The following ASCC1 variants were observed in gnomAD, a reference collection of about 807,000 sequenced individuals.
ASCC1 encodes activating signal cointegrator 1 complex subunit 1, also known as ASC-1 complex subunit P50.
In ASCC1, 35 loss-of-function variants were observed where a neutral mutation model predicts 46.6. That is an observed-to-expected ratio of 0.75 (90% CI 0.57 to 0.99). The LOEUF (loss-of-function observed/expected upper bound fraction) is 0.99. Ranked by LOEUF, ASCC1 falls within the 50% of genes least tolerant of loss-of-function variation. The probability of loss-of-function intolerance (pLI) is 0.00; values close to 1 mark genes in which losing one functional copy is unlikely to be tolerated. For missense variants in ASCC1, 376 were observed against 428.7 expected, an observed-to-expected ratio of 0.88 and a Z score of 1.09; for synonymous variants, 143 against 146.6, an observed-to-expected ratio of 0.98 and a Z score of 0.18.
Position 72,096,442 on chromosome 10 carries a change from G to C in ASCC1, c.*892C>G. 2.2e-6 allele frequency: 1 copy of C among 454,198 alleles called. No homozygotes were observed. The highest frequency in any genetic ancestry group is 4.4e-6 in the Non-Finnish European group (1 of 226,796). The allele number at this position is 454,198 out of a possible 1,614,324, so 28.1% of individuals were successfully genotyped here. A position where few individuals can be genotyped will look rare whatever the true frequency, so the allele number is the denominator to read the frequency against. On this transcript the variant is annotated 3_prime_UTR_variant, in exon 10 of 10. Coordinates refer to ENST00000672957, the MANE Select transcript of ASCC1 (RefSeq NM_001198800.3). The stretch of plus-strand genomic sequence containing the variant: ...ATCAGGGGCATGGGAAGATGAGGGT[G>C]GGGATGGGGTGAAGGAACAGGAATC...
At chr10:72,191,264 A>G (rs1427762260) in intron 5 of ASCC1, among the ~76,000 whole-genome samples, 2 of 147,624 alleles carry the variant, frequency 1.4e-5, no homozygotes, top group East Asian at 4.1e-4. Context: ...ACGAGGTTTC[A>G]CCATGTTGGT....
At chr10:72,099,112 T>C (rs548970570) in intron 9 of ASCC1, among the ~76,000 whole-genome samples, 6 of 152,268 alleles carry the variant, frequency 3.9e-5, no homozygotes, top group Non-Finnish European at 5.9e-5. Context: ...TTTTTAAGGA[T>C]TGGCAGCCTG....
chr10:72,197,062 G>C, intron 4 of ASCC1, 73 bp from the exon 5 acceptor site: 1 of 1,470,350 alleles, frequency 6.8e-7, no homozygotes, highest in Non-Finnish European at 9.5e-7. Context: ...TCTTGATACT[G>C]TCACCTCTGA....
At chr10:72,178,164 G>A (rs923698293) in intron 5 of ASCC1, among the ~76,000 whole-genome samples, 1 of 152,286 alleles carries the variant, frequency 6.6e-6, no homozygotes, top group African/African-American at 2.4e-5. Flanking sequence ...AATGAGACCT[G>A]AGCATAGAAA....
chr10:72,169,837 AG>A (rs1017115541), intron 5 of ASCC1, among the ~76,000 whole-genome samples: 3 of 152,102 alleles, frequency 2.0e-5, no homozygotes, highest in African/African-American at 7.2e-5. Flanking sequence ...AACAAACACA[AG>A]GCCGGGCGTG....
At chr10:72,216,480 G>C (rs1403673640), upstream of ASCC1, among the ~76,000 whole-genome samples, 545 of 17,620 alleles carry the variant, frequency 0.031, no homozygotes, top group Admixed American at 0.04. Flanking sequence ...CCCCGTTCCC[G>C]CCCCCCCCCC....
intron 3 of ASCC1, among the ~76,000 whole-genome samples, chr10:72,209,057 T>C (rs1390001130): frequency 6.6e-6 from 1 of 150,762 alleles, no homozygotes; most frequent in Non-Finnish European, 1.5e-5. Context: ...CCCAGCTATT[T>C]GGGGGGTTTA....
chr10:72,179,293 G>T (rs530873372), intron 5 of ASCC1, among the ~76,000 whole-genome samples: 3 of 152,096 alleles, frequency 2.0e-5, no homozygotes, highest in Non-Finnish European at 4.4e-5. Flanking sequence ...GAGCCACTGC[G>T]CCCGGCCTGC....
intron 8 of ASCC1, among the ~76,000 whole-genome samples, chr10:72,132,218 A>C (rs1230945793): frequency 6.6e-6 from 1 of 152,082 alleles, no homozygotes; most frequent in African/African-American, 2.4e-5. Context: ...AAGGAAATGA[A>C]ACCGGAATAC....
intron 3 of ASCC1, among the ~76,000 whole-genome samples, chr10:72,209,743 C>T (rs1857776344): frequency 6.6e-6 from 1 of 152,174 alleles, no homozygotes; most frequent in South Asian, 2.1e-4. Context: ...AAGATCGTCC[C>T]ATTGCACTCC....
intron 7 of ASCC1, among the ~76,000 whole-genome samples, chr10:72,142,290 T>A (rs984125790): frequency 1.3e-5 from 2 of 152,150 alleles, no homozygotes; most frequent in South Asian, 2.1e-4. Context: ...GATTAACCAG[T>A]TTAGTCATGA....
chr10:72,136,112 T>A (rs182914176), intron 7 of ASCC1, among the ~76,000 whole-genome samples: 51 of 152,234 alleles, frequency 3.4e-4, no homozygotes, highest in African/African-American at 1.2e-3. Flanking sequence ...AGCCTTGAAC[T>A]CCTGGGGTCA....
At chr10:72,124,890 T>C (rs1244944978) in intron 9 of ASCC1, among the ~76,000 whole-genome samples, 1 of 152,170 alleles carries the variant, frequency 6.6e-6, no homozygotes, top group Non-Finnish European at 1.5e-5. Flanking sequence ...ATGTTTGTTC[T>C]TTTTCAGGTT....
At chr10:72,145,957 A>T (rs1224026549) in intron 7 of ASCC1, among the ~76,000 whole-genome samples, 1 of 152,138 alleles carries the variant, frequency 6.6e-6, no homozygotes, top group African/African-American at 2.4e-5. Context: ...CTGCAGCCTC[A>T]TCTCCCACCT....
intron 7 of ASCC1, among the ~76,000 whole-genome samples, chr10:72,152,182 T>TG (rs1466257050): frequency 1.2e-4 from 18 of 150,624 alleles, no homozygotes; most frequent in African/African-American, 2.9e-4. Context: ...GTTTTTTTTT[T>TG]TTTGTTTTTT....
Position 72,128,155 on chromosome 10 carries a change from T to A in ASCC1, c.884A>T (p.Tyr295Phe). ...FRKDPNAEGRYNLYTAEGKYI... is the reference protein window; with the variant it reads ...FRKDPNAEGRFNLYTAEGKYI... ...TTTGCCTTCCGCTGTGTAGAGATTG[T>A]ACCTGCCTTCAGCTGTAAATATTCC... The change falls in exon 9 of 10, where the codon TAC (tyrosine) becomes TTC (phenylalanine). Residue 295 changes from tyrosine to phenylalanine, a missense_variant. Coordinates refer to ENST00000672957, the MANE Select transcript of ASCC1 (RefSeq NM_001198800.3). 2 of 1,613,142 alleles carry A rather than the reference T, an allele frequency of 1.2e-6. No individual in the cohort carries two copies. Among genetic ancestry groups the A allele is most frequent in the Non-Finnish European group, 1.7e-6 (2 of 1,179,180 alleles).
At chr10:72,201,422 C>T (rs1020536190) in intron 4 of ASCC1, among the ~76,000 whole-genome samples, 2 of 152,210 alleles carry the variant, frequency 1.3e-5, no homozygotes, top group Non-Finnish European at 1.5e-5. Flanking sequence ...GACGCAGTGA[C>T]TCTTGTCTAT....
chr10:72,200,407 T>C (rs994444230), intron 4 of ASCC1, among the ~76,000 whole-genome samples: 1 of 152,000 alleles, frequency 6.6e-6, no homozygotes, highest in Non-Finnish European at 1.5e-5. Flanking sequence ...TACCAGCACT[T>C]TGGGAGGCTG....
intron 9 of ASCC1, among the ~76,000 whole-genome samples, chr10:72,097,930 A>G (rs1207682041): frequency 6.6e-6 from 1 of 152,212 alleles, no homozygotes; most frequent in Non-Finnish European, 1.5e-5. Flanking sequence ...AATAGAAGAT[A>G]AGGCTCCTGA....
Sources: gnomAD v4.1 joint callset for allele counts (sites outside exome capture counted in the v4.1 genomes callset) on GRCh38, gnomAD v4.1.1 for gene constraint, MANE v1.5 for transcripts, NCBI Gene and HGNC (gene_info 2026-07-23, HGNC 2026-07-21) for gene names.